The following XCR1 variants were observed in gnomAD, a reference collection of about 807,000 sequenced individuals.
XCR1 encodes the protein X-C motif chemokine receptor 1.
For missense variants in XCR1, 356 were observed against 424.2 expected, an observed-to-expected ratio of 0.84 and a Z score of 1.41; for synonymous variants, 187 against 188.5, an observed-to-expected ratio of 0.99 and a Z score of 0.06.
chr3:46,084,343 T>C (rs1698432983), intron 1 of XCR1, among the ~76,000 whole-genome samples: 1 of 152,230 alleles, frequency 6.6e-6, no homozygotes, highest in Non-Finnish European at 1.5e-5. Flanking sequence ...CTTTTAATCA[T>C]AGGAATGTGA....
At chr3:46,023,599 C>T in intron 1 of XCR1, 1 of 1,388,966 alleles carries the variant, frequency 7.2e-7, no homozygotes, top group Non-Finnish European at 1.0e-6. Flanking sequence ...TCAGGCATCT[C>T]ACAAACTCTC....
chr3:46,055,259 T>C (rs1203178447), intron 4 of XCR1, among the ~76,000 whole-genome samples: 3 of 152,240 alleles, frequency 2.0e-5, no homozygotes, highest in African/African-American at 7.2e-5. Context: ...GGATTTCTGA[T>C]GTTAGAATCA....
intron 5 of XCR1, among the ~76,000 whole-genome samples, chr3:46,037,387 A>T (rs1399393871): frequency 1.3e-5 from 2 of 152,176 alleles, no homozygotes; most frequent in Non-Finnish European, 2.9e-5. Context: ...GAGAAAGGTT[A>T]TAAAGAAAAG....
rs1399553193 is a variant in XCR1, at chr3:46,019,046, C to G, written c.*1900G>C. 6.6e-6 allele frequency: 1 copy of G among 152,096 alleles called. No individual in the cohort carries two copies. The highest frequency in any genetic ancestry group is 1.5e-5 in the Non-Finnish European group (1 of 68,036). The allele number at this position is 152,096 out of a possible 1,614,324, so 9.4% of individuals were successfully genotyped here. Reference sequence around the variant, plus strand: ...TTTAGAGAGTGGCTTTTATTTATGCCCTTGGGTGTGAAGCAATGGGCCAGT... The same window carrying G: ...TTTAGAGAGTGGCTTTTATTTATGCGCTTGGGTGTGAAGCAATGGGCCAGT... On this transcript the variant is annotated 3_prime_UTR_variant, in exon 2 of 2. Transcript: ENST00000309285.
rs559753254 is a variant in XCR1, at chr3:46,038,038, T to TTTTG, written c.-32+15881_-32+15882insCAAA. The stretch of plus-strand genomic sequence containing the variant: ...GCACGGGTTTGTTTTTTGTTTTTTT[T>TTTTG]TTTTTTTGAGAGGGAGTCTTGCTCT... On this transcript the variant is annotated intron_variant, in intron 5 of 5. Transcript: ENST00000683768. Among the ~76,000 whole-genome samples the TTTTG allele has an allele frequency of 7.4e-3, 1,116 of 150,286 alleles. 20 individuals carry two copies. Among genetic ancestry groups the TTTTG allele is most frequent in the African/African-American group, 0.027 (1,070 of 40,146 alleles).
intron 4 of XCR1, among the ~76,000 whole-genome samples, chr3:46,062,688 G>A (rs1386597310): frequency 6.6e-6 from 1 of 152,194 alleles, no homozygotes; most frequent in Non-Finnish European, 1.5e-5. Flanking sequence ...AACAGAACAG[G>A]AGCTCAGGGC....
chr3:46,039,047 A>C (rs1367197916), intron 5 of XCR1, among the ~76,000 whole-genome samples: 2 of 145,998 alleles, frequency 1.4e-5, no homozygotes, highest in African/African-American at 5.1e-5. Flanking sequence ...ATGGGTCCTC[A>C]TGTGTGTACT....
intron 3 of XCR1, among the ~76,000 whole-genome samples, chr3:46,067,751 T>C (rs1043311878): frequency 3.3e-5 from 5 of 152,068 alleles, no homozygotes; most frequent in African/African-American, 1.2e-4. Context: ...CTGGAAGAAG[T>C]GGCTTGGCTA....
chr3:46,032,900 T>C (rs1039390323), intron 5 of XCR1, among the ~76,000 whole-genome samples: 1 of 152,250 alleles, frequency 6.6e-6, no homozygotes, highest in Non-Finnish European at 1.5e-5. Flanking sequence ...CATCTTTTCA[T>C]ATGCAATTTC....
intron 4 of XCR1, among the ~76,000 whole-genome samples, chr3:46,055,713 G>C (rs533493068): frequency 6.6e-6 from 1 of 152,204 alleles, no homozygotes. Flanking sequence ...TACCTCAGAG[G>C]GTCCTCTGGA....
Position 46,021,428 on chromosome 3 carries a change from C to A in XCR1, c.520G>T (p.Gly174Cys). The A allele has an allele frequency of 6.2e-7, 1 of 1,614,094 alleles. No homozygotes were observed. The highest frequency in any genetic ancestry group is 8.5e-7 in the Non-Finnish European group (1 of 1,180,010). Residue 174 changes from glycine (G) to cysteine (C), a missense_variant, in exon 2 of 2, where the codon GGC becomes TGC. Coordinates refer to ENST00000309285, the MANE Select transcript of XCR1 (RefSeq NM_001024644.2). The surrounding 1 kb of genome is among the most constrained non-coding windows in gnomAD (Gnocchi z 4.7). ...DTIFHKVLSS[G>C]CDYSELTWYL... is the part of the protein sequence containing the mutation. ...CACGTGAGTTCGGAATAATCACAGC[C>A]CGAAGAAAGCACCTTGTGGAAGATG...
At chr3:46,048,033 T>C (rs2125898840) in intron 5 of XCR1, among the ~76,000 whole-genome samples, 1 of 152,322 alleles carries the variant, frequency 6.6e-6, no homozygotes, top group East Asian at 1.9e-4. Flanking sequence ...AATAAGTACA[T>C]GATTTTACCA....
At chr3:46,057,878 G>GTCTATCTATCTA (rs1553634096) in intron 4 of XCR1, among the ~76,000 whole-genome samples, 1 of 124,196 alleles carries the variant, frequency 8.1e-6, no homozygotes, top group African/African-American at 3.4e-5. Flanking sequence ...CATCTTATCT[G>GTCTATCTATCTA]TCTGTCTATC....
At chr3:46,078,130 A>T (rs2125904092) in intron 1 of XCR1, among the ~76,000 whole-genome samples, 1 of 152,334 alleles carries the variant, frequency 6.6e-6, no homozygotes, top group East Asian at 1.9e-4. Context: ...CAAAGGCTGG[A>T]TGCGGCACTC....
intron 4 of XCR1, among the ~76,000 whole-genome samples, chr3:46,058,014 C>T (rs912788145): frequency 6.6e-6 from 1 of 152,084 alleles, no homozygotes; most frequent in Non-Finnish European, 1.5e-5. Flanking sequence ...TCTCCTACAT[C>T]CTACTGGATA....
chr3:46,064,278 TC>T (rs1364737382), intron 4 of XCR1, among the ~76,000 whole-genome samples: 2 of 152,190 alleles, frequency 1.3e-5, no homozygotes, highest in Non-Finnish European at 2.9e-5. Flanking sequence ...TAGACTACAG[TC>T]TCCATAAGGG....
rs1171017187 is a variant in XCR1 at position 46,018,107 on chromosome 3, T to G, written c.*2839A>C. 1.3e-5 allele frequency: 2 copies of G among 152,222 alleles called. No individual in the cohort carries two copies. Among genetic ancestry groups the G allele is most frequent in the Non-Finnish European group, 2.9e-5 (2 of 68,064 alleles). The allele number at this position is 152,222 out of a possible 1,614,324, so 9.4% of individuals were successfully genotyped here. On this transcript the variant is annotated 3_prime_UTR_variant, in exon 2 of 2. Transcript: ENST00000309285. The stretch of plus-strand genomic sequence containing the variant: ...TAGGGGAAGACTCCTGATTAAAGAC[T>G]GCCTTGGGAGCCAGTCTATTAGGGA...
rs933846463 is a variant in XCR1 at position 46,017,668 on chromosome 3, G to A, written c.*3278C>T. On this transcript the variant is annotated 3_prime_UTR_variant, in exon 2 of 2. Transcript: ENST00000309285. Reference sequence around the variant, plus strand: ...GGAGTTCTGGGGCTGGCCTGAGCTTGGAGACATGCTCCGCTCAGAGATCAG... The same window carrying A: ...GGAGTTCTGGGGCTGGCCTGAGCTTAGAGACATGCTCCGCTCAGAGATCAG... 2 of 152,258 alleles carry A rather than the reference G, an allele frequency of 1.3e-5. No individual in the cohort carries two copies. Among genetic ancestry groups the A allele is most frequent in the Non-Finnish European group, 2.9e-5 (2 of 68,064 alleles). The allele number at this position is 152,258 out of a possible 1,614,324, so 9.4% of individuals were successfully genotyped here.
chr3:46,026,586 CTTTT>C (rs113662841), intron 1 of XCR1, among the ~76,000 whole-genome samples: 1 of 142,872 alleles, frequency 7.0e-6, no homozygotes, highest in Admixed American at 7.0e-5. Flanking sequence ...TCTTCTTCTT[CTTTT>C]TTTTTTTTTT....
Sources: allele counts gnomAD v4.1 joint callset (sites outside exome capture counted in the v4.1 genomes callset), GRCh38; gene constraint gnomAD v4.1.1; non-coding constraint Gnocchi (gnomAD v3.1); transcripts MANE v1.5; gene names NCBI Gene and HGNC (gene_info 2026-07-23, HGNC 2026-07-21).